Variants in ARSF observed in about 807,000 individuals in gnomAD.
The protein encoded by ARSF is arylsulfatase F.
In ARSF, 33 loss-of-function variants were observed where a neutral mutation model predicts 35.4. The ratio of observed to expected loss-of-function variants is 0.93; its 90% CI spans 0.71 to 1.25. ARSF has a LOEUF of 1.25. Ranked by LOEUF, ARSF falls within the 50% of genes most tolerant of loss-of-function variation. ARSF has a pLI of 0.00. For synonymous variants in ARSF, 222 were observed against 193.1 expected (o/e 1.15, Z -1.24); for missense variants, 501 against 480.2 (o/e 1.04, Z -0.40).
chrX:3,065,983 G>C (rs5982997), intron 1 of ARSF, among the ~76,000 whole-genome samples: 1 of 111,059 alleles, frequency 9.0e-6, no homozygotes, highest in East Asian at 2.8e-4. Context: ...CCAGCTATTC[G>C]GGAGGCTGAA....
chrX:3,058,156 A>C (rs1319011595), intron 1 of ARSF: 1 of 112,533 alleles, frequency 8.9e-6, no homozygotes, highest in African/African-American at 3.2e-5. Context: ...GGTAGCATGA[A>C]CCATAGTTTA....
chrX:3,093,081 G>C (rs1255227003), intron 7 of ARSF, among the ~76,000 whole-genome samples: 1 of 110,610 alleles, frequency 9.0e-6, no homozygotes, highest in Non-Finnish European at 1.9e-5. Context: ...CAGGAGAATG[G>C]CGTGAACCTG....
At chrX:3,082,221 C>T (rs1048896002) in intron 5 of ARSF, among the ~76,000 whole-genome samples, 4 of 111,842 alleles carry the variant, frequency 3.6e-5, no homozygotes, top group African/African-American at 9.7e-5. Flanking sequence ...TCCCTTACTT[C>T]GATCAGTTTT....
intron 6 of ARSF, among the ~76,000 whole-genome samples, chrX:3,087,871 A>C (rs1017745372): frequency 8.9e-6 from 1 of 111,925 alleles, no homozygotes; most frequent in South Asian, 3.8e-4. Flanking sequence ...TAAGTAATTA[A>C]ATCTCCAGAG....
chrX:3,102,506 G>A (rs113569349), intron 8 of ARSF, among the ~76,000 whole-genome samples: 1,133 of 112,446 alleles, frequency 0.01, 14 homozygotes, highest in Non-Finnish European at 0.015. Flanking sequence ...TGTACACCAC[G>A]TTTTCTTTAT....
chrX:3,065,116 T>G (rs1368128596), intron 1 of ARSF, among the ~76,000 whole-genome samples: 1 of 111,033 alleles, frequency 9.0e-6, no homozygotes, highest in Admixed American at 9.7e-5. Flanking sequence ...TAAAAAATGA[T>G]AAGTTAATGT....
chrX:3,059,661 C>T (rs763481198), intron 1 of ARSF, among the ~76,000 whole-genome samples: 1 of 112,711 alleles, frequency 8.9e-6, no homozygotes, highest in Non-Finnish European at 1.9e-5. Flanking sequence ...GCAGTTCCCA[C>T]TCCCACAGAG....
At chrX:3,075,474 C>A (rs2090138914) in intron 3 of ARSF, among the ~76,000 whole-genome samples, 1 of 72,796 alleles carries the variant, frequency 1.4e-5, no homozygotes, top group Admixed American at 1.6e-4. Flanking sequence ...TCTGTCACCC[C>A]TCTCTGTCTG....
rs752954182 is a variant in ARSF, at chrX:3,112,502, G to T, written c.1719G>T (p.Leu573=). Reference sequence around the variant, plus strand: ...GCTGTGGGGTGTTCCCATTTTGTCTGTGTGACAAGGAAGAGGAAGTCTCTC... The same window carrying T: ...GCTGTGGGGTGTTCCCATTTTGTCTTTGTGACAAGGAAGAGGAAGTCTCTC... ...KPCCGVFPFC[L]CDKEEEVSQP... is the part of the protein sequence containing the mutation. The change falls in exon 11 of 11, where the codon CTG becomes CTT. Residue 573 remains leucine, a synonymous_variant. Coordinates refer to ENST00000381127, the MANE Select transcript of ARSF (RefSeq NM_001201539.2). The T allele has an allele frequency of 8.3e-7, 1 of 1,209,397 alleles. No individual in the cohort carries two copies. Among genetic ancestry groups the T allele is most frequent in the East Asian group, 3.0e-5 (1 of 33,703 alleles).
chrX:3,054,195 A>G (rs1398829191), intron 1 of ARSF, among the ~76,000 whole-genome samples: 2 of 111,603 alleles, frequency 1.8e-5, no homozygotes, highest in African/African-American at 3.3e-5. Flanking sequence ...AACACAAGCC[A>G]GACTGGATGG....
rs182130658 is a variant in ARSF, at chrX:3,078,389, C to T, written c.283+1720C>T. On this transcript the variant is annotated intron_variant, in intron 4 of 10. Transcript: ENST00000381127. ...ACTACTTAGGGTATTGCTGTGTTCC[C>T]CAGGCTGGTCTCGAGCTCCTGAACT... is the stretch of plus-strand genomic sequence containing the variant. Among the ~76,000 whole-genome samples, 3 of 110,707 alleles carry T rather than the reference C, an allele frequency of 2.7e-5. No individual in the cohort carries two copies. In the East Asian group the frequency reaches 8.6e-4, roughly 32 times the overall value.
At position 3,084,491 on chromosome X, in the gene ARSF, A is replaced by T. The variant is rs769723623; in HGVS notation, c.655A>T (p.Ile219Phe). 5 of 1,210,733 alleles carry T rather than the reference A, an allele frequency of 4.1e-6. No homozygotes were observed. The highest frequency in any genetic ancestry group is 4.5e-6 in the Non-Finnish European group (4 of 895,329). The change falls in exon 6 of 11, where the codon ATC becomes TTC. Residue 219 changes from isoleucine (I) to phenylalanine (F), a missense_variant. Coordinates refer to ENST00000381127, the MANE Select transcript of ARSF (RefSeq NM_001201539.2). Reference protein sequence around the residue: ...SGWVSVPWLLIFSMILFIFLL... With the variant: ...SGWVSVPWLLFFSMILFIFLL... ...CTGGGTCTCTGTTCCCTGGCTCCTGATCTTCTCCATGATTCTGTTTATTTT... is the reference window on the plus strand; with the variant it reads ...CTGGGTCTCTGTTCCCTGGCTCCTGTTCTTCTCCATGATTCTGTTTATTTT...
intron 3 of ARSF, 140 bp from the exon 4 acceptor site, chrX:3,076,408 C>T (rs2090150154): frequency 4.4e-6 from 3 of 682,866 alleles, no homozygotes; most frequent in Non-Finnish European, 6.4e-6. Context: ...CTCTCCCTCT[C>T]TCCCTGTCTG....
chrX:3,106,429 T>C (rs1168075949), intron 9 of ARSF, among the ~76,000 whole-genome samples: 1 of 111,764 alleles, frequency 8.9e-6, no homozygotes, highest in African/African-American at 3.3e-5. Context: ...ATAGCTGTAC[T>C]ACGTAGAAGG....
chrX:3,068,471 C>T (rs186799065), intron 2 of ARSF, among the ~76,000 whole-genome samples: 5 of 111,790 alleles, frequency 4.5e-5, no homozygotes, highest in African/African-American at 6.5e-5. Context: ...CCAGGGTAGA[C>T]GACAGTGGTG....
intron 1 of ARSF, among the ~76,000 whole-genome samples, chrX:3,043,652 C>G (rs1463368090): frequency 9.0e-6 from 1 of 110,863 alleles, no homozygotes; most frequent in African/African-American, 3.3e-5. Context: ...TGCTGGCTCC[C>G]GTAATTTTTT....
chrX:3,041,469 T>C (rs2089955062), upstream of ARSF: 1 of 109,852 alleles, frequency 9.1e-6, no homozygotes, highest in African/African-American at 3.3e-5. Context: ...TTTTGTATTT[T>C]TAGTGGAGAC....
chrX:3,099,854 T>A (rs2090363585), intron 7 of ARSF, among the ~76,000 whole-genome samples: 1 of 112,042 alleles, frequency 8.9e-6, no homozygotes, highest in Non-Finnish European at 1.9e-5. Context: ...AAAAGTATTT[T>A]AAAATATAAA....
At position 3,069,875 on chromosome X, in the gene ARSF, C is replaced by T. The variant is rs188554778; in HGVS notation, c.11+1764C>T. Reference sequence around the variant, plus strand: ...GCTCAATTATGCTAATGCATGTTACCTCATCCACTTACCTATTTGTGATGA... The same window carrying T: ...GCTCAATTATGCTAATGCATGTTACTTCATCCACTTACCTATTTGTGATGA... On this transcript the variant is annotated intron_variant, in intron 2 of 10. Transcript: ENST00000381127. Among the ~76,000 whole-genome samples the T allele has an allele frequency of 5.4e-5, 6 of 111,697 alleles. No individual in the cohort carries two copies. The Admixed American group carries it at 5.7e-4, about 11-fold the overall frequency.
Sources: allele counts gnomAD v4.1 joint callset (sites outside exome capture counted in the v4.1 genomes callset), GRCh38; gene constraint gnomAD v4.1.1; transcripts MANE v1.5; gene names NCBI Gene and HGNC (gene_info 2026-07-23, HGNC 2026-07-21).